The following RAD51B variants were observed in gnomAD, a reference collection of about 807,000 sequenced individuals.
RAD51B encodes DNA repair protein RAD51 homolog 2.
Under a neutral mutation model 42.2 loss-of-function variants are expected in RAD51B, and 38 were observed. That is an observed-to-expected ratio of 0.90 (90% confidence interval 0.70 to 1.18). The LOEUF is 1.18. Among genes scored for constraint, RAD51B ranks in the 50% most tolerant of loss-of-function variants. RAD51B has a pLI of 0.00. For missense variants in RAD51B, 373 were observed against 400.7 expected (o/e 0.93, Z 0.59); for synonymous variants, 154 against 145.2 (o/e 1.06, Z -0.43).
At chr14:68,191,573 A>G (rs113050485) in intron 7 of RAD51B, among the ~76,000 whole-genome samples, 1 of 152,272 alleles carries the variant, frequency 6.6e-6, no homozygotes, top group African/African-American at 2.4e-5. Flanking sequence ...CTCAGTGCAT[A>G]CTTTCTAGGG....
intron 7 of RAD51B, among the ~76,000 whole-genome samples, chr14:67,896,740 T>C (rs995647159): frequency 3.9e-5 from 6 of 152,204 alleles, no homozygotes; most frequent in Admixed American, 3.3e-4. Flanking sequence ...TTGGTTGATA[T>C]TTTTACATAT....
At chr14:68,643,113 T>C (rs564898092) in intron 10 of RAD51B, among the ~76,000 whole-genome samples, 1 of 152,390 alleles carries the variant, frequency 6.6e-6, no homozygotes, top group East Asian at 1.9e-4. Flanking sequence ...TATTGAAGTT[T>C]TTAACTGTAA....
chr14:67,932,603 T>G (rs10135925), intron 7 of RAD51B, among the ~76,000 whole-genome samples: 10,427 of 152,160 alleles, frequency 0.069, 867 homozygotes, highest in African/African-American at 0.2. Flanking sequence ...CAAGTTCTCA[T>G]GTCCCTGGGA....
chr14:68,188,264 G>A lies in RAD51B; in HGVS notation c.757-103620G>A, dbSNP rs73288081. Among the ~76,000 whole-genome samples the A allele has an allele frequency of 7.6e-3, 1,129 of 149,034 alleles. 15 individuals carry two copies. Among genetic ancestry groups the A allele is most frequent in the African/African-American group, 0.027 (1,094 of 40,534 alleles). ...TGATTTCTTTTTTTTTTTCTTTGTT[G>A]TTCTTCTTTTTTCTTTTTCCTTCTT... On this transcript the variant is annotated intron_variant, in intron 7 of 10. Transcript: ENST00000471583.
chr14:68,088,702 G>T (rs563262325), intron 7 of RAD51B, among the ~76,000 whole-genome samples: 1 of 147,888 alleles, frequency 6.8e-6, no homozygotes, highest in South Asian at 2.2e-4. Flanking sequence ...TGAAGGAAGT[G>T]GGGGAGAGAA....
chr14:68,306,924 A>G (rs1335139046), intron 8 of RAD51B, among the ~76,000 whole-genome samples: 1 of 152,182 alleles, frequency 6.6e-6, no homozygotes, highest in Admixed American at 6.5e-5. Context: ...TTGACAGGTC[A>G]TTGTTGCTCA....
intron 10 of RAD51B, among the ~76,000 whole-genome samples, chr14:68,648,658 A>G (rs1466018734): frequency 1.5e-5 from 2 of 131,376 alleles, no homozygotes; most frequent in African/African-American, 5.7e-5. Context: ...AAGCTCAATA[A>G]TGGTAAAAGC....
intron 6 of RAD51B, 26 bp from the exon 7 acceptor site, chr14:67,886,995 C>T (rs770905132): frequency 7.4e-7 from 1 of 1,355,098 alleles, no homozygotes; most frequent in African/African-American, 1.5e-5. Flanking sequence ...AATTTATTGA[C>T]TATTTTATAA....
intron 7 of RAD51B, among the ~76,000 whole-genome samples, chr14:68,244,940 A>T (rs758949266): frequency 2.6e-5 from 4 of 152,214 alleles, no homozygotes; most frequent in Non-Finnish European, 5.9e-5. Flanking sequence ...ATGTCCTAAC[A>T]TTTGGGTAGA....
At chr14:67,975,479 A>G (rs574029757) in intron 7 of RAD51B, among the ~76,000 whole-genome samples, 4 of 152,290 alleles carry the variant, frequency 2.6e-5, no homozygotes, top group Admixed American at 2.0e-4. Context: ...ATTTTACTTA[A>G]ACTGGTTGTT....
chr14:68,110,415 C>T (rs1182170285), intron 7 of RAD51B, among the ~76,000 whole-genome samples: 3 of 152,002 alleles, frequency 2.0e-5, no homozygotes. Context: ...TTCCCTTTCT[C>T]CATCTGTCTC....
intron 7 of RAD51B, among the ~76,000 whole-genome samples, chr14:68,043,713 G>A (rs2076251877): frequency 6.6e-6 from 1 of 152,200 alleles, no homozygotes; most frequent in Admixed American, 6.5e-5. Flanking sequence ...GAAAACTAAT[G>A]TTAAAAAGGC....
In RAD51B at chr14:68,033,241, T is replaced by G. The variant is rs182183939; in HGVS notation, c.756+146037T>G. Among the ~76,000 whole-genome samples, 412 of 152,354 alleles carry G rather than the reference T, an allele frequency of 2.7e-3. 1 individual carries two copies. Among genetic ancestry groups the G allele is most frequent in the South Asian group, 7.0e-3 (34 of 4,826 alleles). On this transcript the variant is annotated intron_variant, in intron 7 of 10. Coordinates refer to ENST00000471583, the MANE Select transcript of RAD51B (RefSeq NM_133510.4). ...AATCATCCTATATAACATGTTAGGG[T>G]TTAGAACTACATATGGTATTCCTGT...
At chr14:68,041,903 C>T (rs549527884) in intron 7 of RAD51B, among the ~76,000 whole-genome samples, 5 of 152,090 alleles carry the variant, frequency 3.3e-5, no homozygotes, top group Non-Finnish European at 7.3e-5. Flanking sequence ...GCTGTTGTTG[C>T]TCGTAATTGT....
intron 8 of RAD51B, among the ~76,000 whole-genome samples, chr14:68,394,057 G>C (rs1013841445): frequency 1.3e-5 from 2 of 152,218 alleles, no homozygotes; most frequent in Admixed American, 1.3e-4. Context: ...TCCCTCTTTA[G>C]TCGGCAGGAG....
At chr14:68,008,178 A>G (rs532901257) in intron 7 of RAD51B, among the ~76,000 whole-genome samples, 47 of 152,094 alleles carry the variant, frequency 3.1e-4, no homozygotes, top group Non-Finnish European at 3.4e-4. Flanking sequence ...TATAGATTAC[A>G]TACAGTGATA....
At chr14:68,006,994 T>A (rs896916833) in intron 7 of RAD51B, among the ~76,000 whole-genome samples, 1 of 152,146 alleles carries the variant, frequency 6.6e-6, no homozygotes, top group African/African-American at 2.4e-5. Context: ...ATTTTCATCA[T>A]CCCAGAAAAA....
chr14:68,574,423 C>T (rs1298005113), intron 10 of RAD51B, among the ~76,000 whole-genome samples: 1 of 152,252 alleles, frequency 6.6e-6, no homozygotes. Context: ...CCACAGAACA[C>T]ATAGGTCTTA....
intron 4 of RAD51B, among the ~76,000 whole-genome samples, chr14:67,858,965 G>C (rs757230212): frequency 6.6e-6 from 1 of 152,226 alleles, no homozygotes; most frequent in Non-Finnish European, 1.5e-5. Context: ...TCTGAATTTA[G>C]ACTAGCATTC....
Sources: allele counts gnomAD v4.1 joint callset (sites outside exome capture counted in the v4.1 genomes callset), GRCh38; gene constraint gnomAD v4.1.1; transcripts MANE v1.5; gene names NCBI Gene and HGNC (gene_info 2026-07-23, HGNC 2026-07-21).